The following MRTFB variants were observed in gnomAD, a reference collection of about 807,000 sequenced individuals.
MRTFB encodes myocardin-related transcription factor B.
Under a neutral mutation model 104.2 loss-of-function variants are expected in MRTFB, and 29 were observed. The ratio of observed to expected loss-of-function variants is 0.28; its 90% CI spans 0.21 to 0.38. MRTFB has a LOEUF of 0.38. Ranked by LOEUF, MRTFB falls within the 10% of genes least tolerant of loss-of-function variation. MRTFB has a pLI of 1.00. For synonymous variants in MRTFB, 535 were observed against 519.5 expected, an observed-to-expected ratio of 1.03 and a Z score of -0.41; for missense variants, 1,270 against 1,341.6, an observed-to-expected ratio of 0.95 and a Z score of 0.83.
Position 14,197,119 on chromosome 16 carries a change from CA to C in MRTFB, c.155-13122del, listed in dbSNP as rs1439750437. ...TCAGCCTCCCAAGCAGCTGGGATTA[CA>C]ATCGTGCCCCACCACGCCTGGCTGA... On this transcript the variant is annotated intron_variant, in intron 3 of 16. Transcript: ENST00000571589. Among the ~76,000 whole-genome samples, 4 of 151,848 alleles carry C rather than the reference CA, an allele frequency of 2.6e-5. No homozygotes were observed. In the East Asian group the frequency reaches 7.7e-4, roughly 29 times the overall value.
chr16:14,018,771 T>C, the MRTFB span: 1 of 152,304 alleles, frequency 6.6e-6, no homozygotes, highest in Admixed American at 6.5e-5. Flanking sequence ...TAAATCATTC[T>C]TGTACCCATG....
At chr16:14,165,557 C>A (rs1438326214) in intron 3 of MRTFB, among the ~76,000 whole-genome samples, 1 of 152,182 alleles carries the variant, frequency 6.6e-6, no homozygotes, top group Non-Finnish European at 1.5e-5. Context: ...CTGCACTACT[C>A]ACTCTTTGCC....
At chr16:14,233,520 G>T (rs377091283) in intron 8 of MRTFB, among the ~76,000 whole-genome samples, 4 of 152,098 alleles carry the variant, frequency 2.6e-5, no homozygotes, top group Admixed American at 1.3e-4. Context: ...AGGCACAGTG[G>T]CTCATGGGTG....
At chr16:14,243,961 A>G (rs959090347) in intron 10 of MRTFB, among the ~76,000 whole-genome samples, 3 of 149,970 alleles carry the variant, frequency 2.0e-5, no homozygotes, top group Non-Finnish European at 4.4e-5. Flanking sequence ...TCGGGTTCAC[A>G]CCACCTCCAG....
intron 2 of MRTFB, among the ~76,000 whole-genome samples, chr16:14,098,551 T>C (rs967755765): frequency 2.6e-5 from 4 of 152,242 alleles, no homozygotes; most frequent in African/African-American, 9.6e-5. Flanking sequence ...AGAGCAGTTC[T>C]TAATTTTGAT....
intron 3 of MRTFB, among the ~76,000 whole-genome samples, chr16:14,172,324 C>T (rs530982224): frequency 9.9e-5 from 15 of 152,134 alleles, no homozygotes; most frequent in Non-Finnish European, 2.1e-4. Flanking sequence ...TTTTCACTCA[C>T]TGTATTGTGA....
At chr16:14,070,945 G>A (rs2033643398), upstream of MRTFB, among the ~76,000 whole-genome samples, 1 of 152,222 alleles carries the variant, frequency 6.6e-6, no homozygotes, top group South Asian at 2.1e-4. Flanking sequence ...GGCAGTGTGA[G>A]GACCGAAGGG....
At chr16:14,203,645 T>G (rs977322165) in intron 3 of MRTFB, among the ~76,000 whole-genome samples, 8 of 151,498 alleles carry the variant, frequency 5.3e-5, no homozygotes, top group Non-Finnish European at 1.2e-4. Flanking sequence ...CTATTAAAAA[T>G]ACAACAGATT....
At chr16:14,255,285 T>G (rs2043430704) in intron 15 of MRTFB, among the ~76,000 whole-genome samples, 1 of 152,204 alleles carries the variant, frequency 6.6e-6, no homozygotes, top group Non-Finnish European at 1.5e-5. Context: ...AAAGACAAAT[T>G]TATAGCTTTG....
At chr16:14,235,594 A>G (rs1484797850) in intron 9 of MRTFB, among the ~76,000 whole-genome samples, 3 of 152,326 alleles carry the variant, frequency 2.0e-5, no homozygotes, top group Non-Finnish European at 2.9e-5. Flanking sequence ...TTCTAGGACT[A>G]TGCCAAGAGA....
chr16:14,080,797 A>G (rs973797836), intron 2 of MRTFB, among the ~76,000 whole-genome samples: 2 of 152,110 alleles, frequency 1.3e-5, no homozygotes, highest in Non-Finnish European at 2.9e-5. Flanking sequence ...TAAAGAGGTG[A>G]TGTTCTCCAG....
chr16:14,128,748 CT>C (rs1198651592), intron 2 of MRTFB, among the ~76,000 whole-genome samples: 2 of 152,172 alleles, frequency 1.3e-5, no homozygotes, highest in African/African-American at 2.4e-5. Context: ...AGAGTTATTT[CT>C]AGTCATTTGC....
At chr16:14,037,902 G>T in the MRTFB span, among the ~76,000 whole-genome samples, 1 of 152,154 alleles carries the variant, frequency 6.6e-6, no homozygotes, top group Non-Finnish European at 1.5e-5. Flanking sequence ...TTTCTGTTCT[G>T]CTTTGTATTA....
At chr16:14,184,643 T>C (rs908981947) in intron 3 of MRTFB, among the ~76,000 whole-genome samples, 20 of 152,254 alleles carry the variant, frequency 1.3e-4, no homozygotes, top group African/African-American at 4.6e-4. Flanking sequence ...TCATGAGTAG[T>C]TAAAATGCTT....
At chr16:14,190,652 T>C (rs2040138291) in intron 3 of MRTFB, among the ~76,000 whole-genome samples, 1 of 151,628 alleles carries the variant, frequency 6.6e-6, no homozygotes, top group Non-Finnish European at 1.5e-5. Context: ...CCAAGTTGTG[T>C]GTTAATTACT....
At chr16:14,147,379 C>G (rs1475665613) in intron 3 of MRTFB, among the ~76,000 whole-genome samples, 2 of 152,116 alleles carry the variant, frequency 1.3e-5, no homozygotes, top group South Asian at 2.1e-4. Context: ...GAAAAAGAAG[C>G]CTTGTAAGTA....
intron 2 of MRTFB, among the ~76,000 whole-genome samples, chr16:14,133,770 G>C (rs2037564224): frequency 6.6e-6 from 1 of 152,068 alleles, no homozygotes; most frequent in South Asian, 2.1e-4. Flanking sequence ...ATTACAGTTT[G>C]TTTTTAACCC....
intron 3 of MRTFB, among the ~76,000 whole-genome samples, chr16:14,190,587 TATTTG>T (rs1296252387): frequency 3.9e-5 from 6 of 152,210 alleles, no homozygotes; most frequent in African/African-American, 1.4e-4. Flanking sequence ...GAAAAAATGA[TATTTG>T]ATATAAAGGA....
intron 1 of MRTFB, among the ~76,000 whole-genome samples, chr16:14,076,249 T>C (rs561128014): frequency 1.9e-3 from 285 of 152,290 alleles, no homozygotes; most frequent in African/African-American, 6.1e-3. Context: ...TGGAGTGCAG[T>C]GGCACCATCT....
Sources: gnomAD v4.1 joint callset for allele counts (sites outside exome capture counted in the v4.1 genomes callset) on GRCh38, gnomAD v4.1.1 for gene constraint, MANE v1.5 for transcripts, NCBI Gene and HGNC (gene_info 2026-07-23, HGNC 2026-07-21) for gene names.